Variants in GSAP observed in about 807,000 individuals in gnomAD.
GSAP encodes gamma-secretase activating protein.
In GSAP, 118 loss-of-function variants were observed where a neutral mutation model predicts 131.7. That is an observed-to-expected ratio of 0.90 (90% CI 0.77 to 1.04). GSAP has a LOEUF of 1.04. GSAP is among the 50% of genes least tolerant of loss of function. The pLI is 0.00. For synonymous variants in GSAP, 381 were observed against 363.4 expected (o/e 1.05, Z -0.55); for missense variants, 1,019 against 1,013.2 (o/e 1.01, Z -0.08).
intron 12 of GSAP, among the ~76,000 whole-genome samples, chr7:77,373,335 T>C (rs1350957416): frequency 6.6e-6 from 1 of 152,224 alleles, no homozygotes; most frequent in Non-Finnish European, 1.5e-5. Flanking sequence ...TCAGTAAATG[T>C]TGGCCTAATG....
At chr7:77,392,618 TG>T (rs1799765892) in intron 5 of GSAP, among the ~76,000 whole-genome samples, 2 of 152,006 alleles carry the variant, frequency 1.3e-5, no homozygotes, top group Admixed American at 6.6e-5. Context: ...AGGCAATATC[TG>T]GATACCACAA....
intron 12 of GSAP, among the ~76,000 whole-genome samples, chr7:77,372,318 A>G (rs1796246029): frequency 6.6e-6 from 1 of 152,210 alleles, no homozygotes; most frequent in Non-Finnish European, 1.5e-5. Flanking sequence ...GAAGATTTAA[A>G]CGGCCAAATG....
intron 19 of GSAP, among the ~76,000 whole-genome samples, chr7:77,338,564 G>C (rs1790390166): frequency 6.6e-6 from 1 of 152,186 alleles, no homozygotes; most frequent in Admixed American, 6.5e-5. Context: ...CCCAAAATCA[G>C]GGTGTGGTCA....
At chr7:77,348,663 A>G (rs545589714) in intron 19 of GSAP, among the ~76,000 whole-genome samples, 1 of 152,358 alleles carries the variant, frequency 6.6e-6, no homozygotes, top group East Asian at 1.9e-4. Context: ...AGCTTCAAGG[A>G]AACTGTGCTA....
At chr7:77,349,185 A>G (rs1231456924) in intron 19 of GSAP, among the ~76,000 whole-genome samples, 166 bp downstream of exon 19, 2 of 152,176 alleles carry the variant, frequency 1.3e-5, no homozygotes, top group Non-Finnish European at 2.9e-5. Flanking sequence ...TACCATACTC[A>G]GTGATCACTC....
intron 19 of GSAP, among the ~76,000 whole-genome samples, chr7:77,343,328 G>A (rs530431420): frequency 1.2e-4 from 18 of 152,192 alleles, no homozygotes; most frequent in East Asian, 5.8e-4. Flanking sequence ...TCAGCAAGCC[G>A]AACTCATTGC....
chr7:77,378,519 A>G (rs1211981313), intron 8 of GSAP, among the ~76,000 whole-genome samples: 2 of 148,868 alleles, frequency 1.3e-5, no homozygotes, highest in African/African-American at 5.1e-5. Flanking sequence ...ACAAAAAACA[A>G]CAAAAAAAAA....
intron 20 of GSAP, 172 bp downstream of exon 20, chr7:77,330,067 C>G (rs892424980): frequency 3.0e-6 from 2 of 676,344 alleles, no homozygotes; most frequent in African/African-American, 1.9e-5. Flanking sequence ...CCTAGGAGAA[C>G]AGAGATCATA....
Position 77,314,361 on chromosome 7 carries a change from G to C in GSAP, c.2209+9C>G. ...GAACTAGCACTCTGGCAAACTCAGG[G>C]CTTCTTACCTTTCATGAGCCTTATG... On this transcript the variant is annotated intron_variant, in intron 27 of 30. Coordinates refer to ENST00000257626, the MANE Select transcript of GSAP (RefSeq NM_017439.4). 1 of 1,613,320 alleles carries C rather than the reference G, an allele frequency of 6.2e-7. No individual in the cohort carries two copies. The highest frequency in any genetic ancestry group is 2.2e-5 in the East Asian group (1 of 44,856).
intron 26 of GSAP, among the ~76,000 whole-genome samples, chr7:77,320,493 T>A (rs1185633469): frequency 1.3e-5 from 2 of 152,172 alleles, no homozygotes; most frequent in South Asian, 2.1e-4. Flanking sequence ...GAAAGCTGCA[T>A]GGGGTAAGCC....
rs1287680785 is a variant in GSAP, at chr7:77,365,922, T to TA, written c.872-3263dup. 2.6e-4 allele frequency among the ~76,000 whole-genome samples: 32 copies of TA among 124,848 alleles called. No homozygotes were observed. The South Asian group carries it at 5.7e-3, about 22-fold the overall frequency. The allele number at this position is 124,848 out of a possible 152,430, so 81.9% of individuals were successfully genotyped here. On this transcript the variant is annotated intron_variant, in intron 12 of 30. Coordinates refer to ENST00000257626, the MANE Select transcript of GSAP (RefSeq NM_017439.4). ...GGTTTTTTTTTTTTTTTTTTTTTTT[T>TA]ACTTTTAATAATAGCCATTCTGACT...
intron 8 of GSAP, among the ~76,000 whole-genome samples, chr7:77,378,299 T>C (rs565945666): frequency 1.6e-4 from 25 of 152,018 alleles, no homozygotes; most frequent in African/African-American, 5.3e-4. Context: ...CTGGCTAACA[T>C]GGTGAAACCC....
At position 77,348,456 on chromosome 7, in the gene GSAP, G is replaced by A. The variant is rs568948273; in HGVS notation, c.1545+895C>T. ...CGATCTACCCTCTCTTGCCCCCAGT[G>A]AATCACTGTGACCTAAAATGCCACA... On this transcript the variant is annotated intron_variant, in intron 19 of 30. Transcript: ENST00000257626. Among the ~76,000 whole-genome samples the A allele has an allele frequency of 3.0e-4, 45 of 152,152 alleles. 1 individual carries two copies. The South Asian group carries it at 6.2e-3, about 21-fold the overall frequency.
chr7:77,319,213 A>C (rs1290902306), intron 26 of GSAP, among the ~76,000 whole-genome samples: 1 of 152,224 alleles, frequency 6.6e-6, no homozygotes, highest in African/African-American at 2.4e-5. Context: ...GCAAGAAAAC[A>C]ACCAGATTAA....
At chr7:77,408,721 T>C (rs906956087) in intron 1 of GSAP, among the ~76,000 whole-genome samples, 2 of 141,134 alleles carry the variant, frequency 1.4e-5, no homozygotes, top group Non-Finnish European at 3.1e-5. Flanking sequence ...AAAGAAAAGA[T>C]AAATTGCTTA....
chr7:77,394,597 T>A (rs1563109211), intron 5 of GSAP, among the ~76,000 whole-genome samples: 2 of 152,188 alleles, frequency 1.3e-5, no homozygotes, highest in Non-Finnish European at 2.9e-5. Context: ...AGCATTGGCA[T>A]AAGAGACTGG....
At position 77,374,151 on chromosome 7, in the gene GSAP, C is replaced by G. The variant is rs781043806; in HGVS notation, c.790G>C (p.Val264Leu). The change falls in exon 12 of 31, where the codon GTC becomes CTC. Residue 264 changes from valine to leucine, a missense_variant. By Grantham distance (32) the Val-to-Leu change is conservative. Transcript: ENST00000257626. The stretch of plus-strand genomic sequence containing the variant: ...TGATGATAATCACATCCAAAGTTGA[C>G]AAGTCTAAGAACATAAAGAATGAGA... ...ISLSNSGFKL[V>L]NFGCDYHQYR... The G allele has an allele frequency of 2.0e-6, 3 of 1,535,780 alleles. No individual in the cohort carries two copies. In the East Asian group the frequency reaches 6.8e-5, roughly 35 times the overall value.
chr7:77,404,946 A>G (rs1273081105), intron 2 of GSAP, among the ~76,000 whole-genome samples: 1 of 152,246 alleles, frequency 6.6e-6, no homozygotes, highest in Non-Finnish European at 1.5e-5. Flanking sequence ...AGTCCGTAAC[A>G]TTCTTATAAG....
Position 77,334,579 on chromosome 7 carries a change from T to TAAAAAAAAAAAAAA in GSAP, c.1546-4213_1546-4212insTTTTTTTTTTTTTT, listed in dbSNP as rs1200040086. On this transcript the variant is annotated intron_variant, in intron 19 of 30. Transcript: ENST00000257626. Reference sequence around the variant, plus strand: ...GCCCATGTATCCTGGAACTTAAAATTTAAAAAAAAAAAAAAAAAAAAAAAA... The same window carrying TAAAAAAAAAAAAAA: ...GCCCATGTATCCTGGAACTTAAAATTAAAAAAAAAAAAAATAAAAAAAAAAAAAAAAAAAAAAAA... 8.2e-3 allele frequency among the ~76,000 whole-genome samples: 672 copies of TAAAAAAAAAAAAAA among 82,264 alleles called. 45 individuals are homozygous for TAAAAAAAAAAAAAA. Among genetic ancestry groups the TAAAAAAAAAAAAAA allele is most frequent in the Non-Finnish European group, 9.4e-3 (398 of 42,502 alleles). The allele number at this position is 82,264 out of a possible 152,430, so 54.0% of individuals were successfully genotyped here.
Sources: allele counts gnomAD v4.1 joint callset (sites outside exome capture counted in the v4.1 genomes callset), GRCh38; gene constraint gnomAD v4.1.1; transcripts MANE v1.5; gene names NCBI Gene and HGNC (gene_info 2026-07-23, HGNC 2026-07-21).